DSCAM: variants seen among roughly 807,000 people sequenced by gnomAD.
The protein encoded by DSCAM is cell adhesion molecule DSCAM.
DSCAM carries 47 observed loss-of-function variants against 217.7 expected under a neutral mutation model. The observed-to-expected ratio is 0.22, with a 90% CI of 0.17 to 0.28. The LOEUF (loss-of-function observed/expected upper bound fraction) is 0.28, where lower values mean the gene tolerates loss of function less well. Among genes scored for constraint, DSCAM ranks in the 10% least tolerant of loss-of-function variants. The pLI, the probability that DSCAM is intolerant of heterozygous loss-of-function variation, is 1.00. For synonymous variants in DSCAM, 1,056 were observed against 1,015.3 expected, an observed-to-expected ratio of 1.04 and a Z score of -0.76; for missense variants, 2,080 against 2,618.3, an observed-to-expected ratio of 0.79 and a Z score of 4.49.
intron 1 of DSCAM, among the ~76,000 whole-genome samples, chr21:40,766,327 G>A (rs901508281): frequency 5.4e-5 from 8 of 149,356 alleles, no homozygotes; most frequent in African/African-American, 2.0e-4. Flanking sequence ...TATTTGGTAT[G>A]TGTGTATATA....
At chr21:40,243,571 G>T (rs559555612) in intron 11 of DSCAM, among the ~76,000 whole-genome samples, 2 of 152,088 alleles carry the variant, frequency 1.3e-5, no homozygotes, top group African/African-American at 4.8e-5. Flanking sequence ...TAAAAGCATC[G>T]GTTTTTTCTG....
chr21:40,524,679 T>G (rs2076386375), intron 3 of DSCAM, among the ~76,000 whole-genome samples: 1 of 152,006 alleles, frequency 6.6e-6, no homozygotes, highest in African/African-American at 2.4e-5. Context: ...TTTTAAAAAG[T>G]AGAGAAAGAC....
chr21:40,342,751 T>TA (rs2074512594), intron 6 of DSCAM, among the ~76,000 whole-genome samples: 1 of 136,642 alleles, frequency 7.3e-6, no homozygotes, highest in Admixed American at 7.3e-5. Flanking sequence ...ACGCCTTTTT[T>TA]TTTTTTTTTT....
At chr21:40,591,783 C>T (rs2076986106) in intron 3 of DSCAM, among the ~76,000 whole-genome samples, 1 of 152,124 alleles carries the variant, frequency 6.6e-6, no homozygotes, top group South Asian at 2.1e-4. Flanking sequence ...TATACGTTGG[C>T]AATACAAATG....
At position 40,518,514 on chromosome 21, in the gene DSCAM, ATATAAT is replaced by A. The variant is rs1340638601; in HGVS notation, c.509-149275_509-149270del. 7.0e-4 allele frequency among the ~76,000 whole-genome samples: 11 copies of A among 15,620 alleles called. 1 individual carries two copies. The highest frequency in any genetic ancestry group is 5.4e-3 in the African/African-American group (10 of 1,864). 10.2% of individuals were successfully genotyped at this position (15,620 alleles called of 152,430 possible). A position where few individuals can be genotyped will look rare whatever the true frequency, so the allele number is the denominator to read the frequency against. ...ATATTATATATTATATATATAATAT[ATATAAT>A]ATATATTTTATATATATATATGTAC... On this transcript the variant is annotated intron_variant, in intron 3 of 32. Coordinates refer to ENST00000400454, the MANE Select transcript of DSCAM (RefSeq NM_001389.5).
chr21:40,841,385 C>T (rs1315330785), intron 1 of DSCAM, among the ~76,000 whole-genome samples: 2 of 152,162 alleles, frequency 1.3e-5, no homozygotes, highest in Admixed American at 6.5e-5. Context: ...CCCATAGATT[C>T]GGCAAGGGAA....
At chr21:40,234,945 T>C (rs370045077) in intron 11 of DSCAM, among the ~76,000 whole-genome samples, 33 of 152,266 alleles carry the variant, frequency 2.2e-4, no homozygotes, top group African/African-American at 7.7e-4. Context: ...TTAGTTGCCC[T>C]ATGTCTGCAA....
At chr21:40,725,140 C>A (rs897711242) in intron 1 of DSCAM, among the ~76,000 whole-genome samples, 2 of 152,188 alleles carry the variant, frequency 1.3e-5, no homozygotes, top group Admixed American at 6.5e-5. Flanking sequence ...AGTATGACTT[C>A]TTTTGGCTTT....
At chr21:40,121,679 GTCTTTTTTTTTT>G (rs573839989) in intron 20 of DSCAM, among the ~76,000 whole-genome samples, 1 of 76,714 alleles carries the variant, frequency 1.3e-5, no homozygotes, top group African/African-American at 4.8e-5. Context: ...TCTCATTACT[GTCTTTTTTTTTT>G]TTTTTTTTTT....
intron 16 of DSCAM, among the ~76,000 whole-genome samples, chr21:40,157,255 G>C (rs532516407): frequency 1.1e-4 from 17 of 152,326 alleles, no homozygotes; most frequent in South Asian, 6.2e-4. Context: ...AGTTAAGACC[G>C]AGACTGCAGG....
chr21:40,201,446 TTTA>T (rs2091068897), intron 11 of DSCAM, among the ~76,000 whole-genome samples: 1 of 152,008 alleles, frequency 6.6e-6, no homozygotes, highest in Non-Finnish European at 1.5e-5. Flanking sequence ...AAGCTTCTTA[TTTA>T]TTTATTTATT....
chr21:40,418,111 A>G (rs2075389343), intron 3 of DSCAM, among the ~76,000 whole-genome samples: 2 of 152,230 alleles, frequency 1.3e-5, no homozygotes. Flanking sequence ...AAGAACCTTC[A>G]TGAACATGAA....
intron 16 of DSCAM, among the ~76,000 whole-genome samples, chr21:40,157,208 C>G (rs555635010): frequency 6.6e-6 from 1 of 152,318 alleles, no homozygotes; most frequent in African/African-American, 2.4e-5. Context: ...CTCATCCACG[C>G]ATGGACTGCA....
At chr21:40,294,962 A>C (rs7283487) in intron 10 of DSCAM, among the ~76,000 whole-genome samples, 15,556 of 152,122 alleles carry the variant, frequency 0.1, 2,646 homozygotes, top group African/African-American at 0.35. Context: ...GTGTCTAGCA[A>C]CCTTCCCCAC....
chr21:40,035,489 A>G (rs1310401480), intron 32 of DSCAM, among the ~76,000 whole-genome samples: 1 of 131,458 alleles, frequency 7.6e-6, no homozygotes. Context: ...TATGCACCCA[A>G]TACAGGAGCA....
intron 3 of DSCAM, among the ~76,000 whole-genome samples, chr21:40,524,844 A>G (rs568378821): frequency 1.3e-5 from 2 of 151,948 alleles, no homozygotes; most frequent in African/African-American, 2.4e-5. Flanking sequence ...CCCTGTCTCT[A>G]CTAAAAAATA....
chr21:40,362,651 G>T (rs561129001), intron 4 of DSCAM, among the ~76,000 whole-genome samples: 7 of 152,210 alleles, frequency 4.6e-5, no homozygotes, highest in Admixed American at 4.6e-4. Context: ...CTGAACTAAG[G>T]TTATTTGGTT....
intron 3 of DSCAM, among the ~76,000 whole-genome samples, chr21:40,388,147 A>AGG (rs66609406): frequency 1.2e-4 from 2 of 16,556 alleles, no homozygotes; most frequent in African/African-American, 1.6e-3. Context: ...AAGAACCGAC[A>AGG]GTTTGCCAAT....
intron 3 of DSCAM, among the ~76,000 whole-genome samples, chr21:40,416,393 C>G (rs1274656705): frequency 1.3e-5 from 2 of 152,100 alleles, no homozygotes; most frequent in Non-Finnish European, 2.9e-5. Flanking sequence ...GTAGAAATAC[C>G]CTTGGTTGCA....
Sources: gnomAD v4.1 joint callset for allele counts (sites outside exome capture counted in the v4.1 genomes callset) on GRCh38, gnomAD v4.1.1 for gene constraint, MANE v1.5 for transcripts, NCBI Gene and HGNC (gene_info 2026-07-23, HGNC 2026-07-21) for gene names.